ITGA11: variants seen among roughly 807,000 people sequenced by gnomAD.
The protein encoded by ITGA11 is integrin alpha-11.
ITGA11 carries 97 observed loss-of-function variants against 141.9 expected under a neutral mutation model. The observed-to-expected ratio is 0.68, with a 90% CI of 0.58 to 0.81. The LOEUF (loss-of-function observed/expected upper bound fraction) is 0.81. Among genes scored for constraint, ITGA11 ranks in the 30% least tolerant of loss-of-function variants. ITGA11 has a pLI of 0.00. For missense variants in ITGA11, 1,387 were observed against 1,559.2 expected (o/e 0.89, Z 1.86); for synonymous variants, 658 against 624.6 (o/e 1.05, Z -0.80).
At chr15:68,310,874 A>G in intron 26 of ITGA11, 120 bp downstream of exon 26, 1 of 729,274 alleles carries the variant, frequency 1.4e-6, no homozygotes. Flanking sequence ...CTGGGTACAT[A>G]CAGGTGCTCA....
intron 20 of ITGA11, among the ~76,000 whole-genome samples, chr15:68,319,727 G>A (rs548969477): frequency 1.3e-5 from 2 of 152,300 alleles, no homozygotes; most frequent in African/African-American, 4.8e-5. Flanking sequence ...CCCCTAACCA[G>A]GGCCCAGGAG....
intron 1 of ITGA11, among the ~76,000 whole-genome samples, chr15:68,426,082 G>T (rs1379102889): frequency 6.6e-6 from 1 of 152,196 alleles, no homozygotes; most frequent in Non-Finnish European, 1.5e-5. Flanking sequence ...TGGGGCAGGG[G>T]GCTAAGTGGT....
At chr15:68,314,012 C>T in intron 22 of ITGA11, 144 bp from the exon 23 acceptor site, 2 of 648,736 alleles carry the variant, frequency 3.1e-6, no homozygotes, top group East Asian at 5.5e-5. Flanking sequence ...GAACCTGAGG[C>T]ATCTCCTAGG....
Position 68,331,917 on chromosome 15 carries a change from G to A in ITGA11, c.1712C>T (p.Ala571Val), listed in dbSNP as rs772152489. 17 of 1,613,378 alleles carry A rather than the reference G, an allele frequency of 1.1e-5. No individual in the cohort carries two copies. Among genetic ancestry groups the A allele is most frequent in the Non-Finnish European group, 1.4e-5 (17 of 1,179,786 alleles). ...VVGAPLEDNH[A>V]GAIYIFHGFR... is the part of the protein sequence containing the mutation. ...GCCGTGGAAGATGTAGATGGCTCCT[G>A]CGTGGTTGTCCTCCAGGGGGGCTCC... The change falls in exon 14 of 30, where the codon GCA becomes GTA. Residue 571 changes from alanine (A) to valine (V), a missense_variant. By Grantham distance (64) the Ala-to-Val change is moderately conservative. Coordinates refer to ENST00000315757, the MANE Select transcript of ITGA11 (RefSeq NM_001004439.2).
chr15:68,364,657 A>ACCCCCCCCC, intron 4 of ITGA11, 50 bp downstream of exon 4: 1 of 671,318 alleles, frequency 1.5e-6, no homozygotes, highest in Non-Finnish European at 2.7e-6. Context: ...ACCCCTCCCC[A>ACCCCCCCCC]CCCCCACCCC....
At chr15:68,426,865 A>C (rs537758750) in intron 1 of ITGA11, among the ~76,000 whole-genome samples, 1 of 152,124 alleles carries the variant, frequency 6.6e-6, no homozygotes, top group South Asian at 2.1e-4. Context: ...AAATACAAAA[A>C]TTAGCTGGGT....
chr15:68,357,045 AT>A, intron 7 of ITGA11, 105 bp downstream of exon 7: 2 of 1,039,558 alleles, frequency 1.9e-6, no homozygotes, highest in Non-Finnish European at 1.4e-6. Flanking sequence ...TTAAGAAATT[AT>A]TGTCTCAAGG....
chr15:68,390,458 C>T (rs1389041925), intron 2 of ITGA11, among the ~76,000 whole-genome samples: 1 of 152,120 alleles, frequency 6.6e-6, no homozygotes, highest in African/African-American at 2.4e-5. Flanking sequence ...TGGAATCTGT[C>T]TTACATGCTC....
chr15:68,389,987 T>C (rs1896077124), intron 2 of ITGA11, among the ~76,000 whole-genome samples: 1 of 152,206 alleles, frequency 6.6e-6, no homozygotes, highest in Admixed American at 6.5e-5. Flanking sequence ...ATAATTTCAA[T>C]GTAAATGCGA....
At chr15:68,419,109 T>C (rs1283043085) in intron 1 of ITGA11, among the ~76,000 whole-genome samples, 1 of 152,138 alleles carries the variant, frequency 6.6e-6, no homozygotes, top group Non-Finnish European at 1.5e-5. Context: ...TGAAAAGGTC[T>C]CTGGCTGCAT....
intron 4 of ITGA11, among the ~76,000 whole-genome samples, chr15:68,362,558 TAGAC>T (rs562207166): frequency 1.3e-4 from 20 of 152,122 alleles, no homozygotes; most frequent in African/African-American, 4.6e-4. Flanking sequence ...AGTGGATGGA[TAGAC>T]AGATGATAGA....
intron 10 of ITGA11, among the ~76,000 whole-genome samples, chr15:68,346,361 C>T (rs1595870129): frequency 6.6e-6 from 1 of 152,186 alleles, no homozygotes; most frequent in South Asian, 2.1e-4. Context: ...TCAGCTCAAG[C>T]TTCCCTGAGT....
At chr15:68,415,034 C>A (rs757752660) in intron 1 of ITGA11, among the ~76,000 whole-genome samples, 18 of 152,110 alleles carry the variant, frequency 1.2e-4, no homozygotes, top group Non-Finnish European at 2.2e-4. Context: ...TGCAAAAGAC[C>A]CCCCTGTTTT....
chr15:68,418,547 C>A (rs1427206220), intron 1 of ITGA11, among the ~76,000 whole-genome samples: 2 of 151,856 alleles, frequency 1.3e-5, no homozygotes, highest in Admixed American at 6.6e-5. Flanking sequence ...TTATGTACAC[C>A]TTTATCACTT....
Position 68,325,137 on chromosome 15 carries a change from T to C in ITGA11, c.2316A>G (p.Arg772=). 1 of 1,613,064 alleles carries C rather than the reference T, an allele frequency of 6.2e-7. No homozygotes were observed. Among genetic ancestry groups the C allele is most frequent in the Non-Finnish European group, 8.5e-7 (1 of 1,179,194 alleles). Reference sequence around the variant, plus strand: ...GCCCTGTACCGAGATGTACCGAGACTCTGAGAGTGGTGGGCCAGCCGTCGT... The same window carrying C: ...GCCCTGTACCGAGATGTACCGAGACCCTGAGAGTGGTGGGCCAGCCGTCGT... ...MLDDGWPTTL[R]VSVPFWNGCN... The change falls in exon 18 of 30, where the codon AGA becomes AGG. Residue 772 remains arginine (R), a synonymous_variant. Transcript: ENST00000315757. This position sits in a 1 kb window ranked among gnomAD's most constrained non-coding sequence, Gnocchi z 5.5.
rs1331578692 is a variant in ITGA11, at chr15:68,432,033, CCCAGGCCACCA to C, written c.23_33del (p.Val8GlyfsTer43). The C allele has an allele frequency of 3.7e-6, 5 of 1,341,408 alleles. No individual in the cohort carries two copies. The highest frequency in any genetic ancestry group is 4.8e-6 in the Non-Finnish European group (5 of 1,044,150). The allele number at this position is 1,341,408 out of a possible 1,614,324, so 83.1% of individuals were successfully genotyped here. On this transcript the variant is annotated frameshift_variant, in exon 1 of 30. Coordinates refer to ENST00000315757, the MANE Select transcript of ITGA11 (RefSeq NM_001004439.2). LOFTEE classifies it high-confidence loss of function. ...CACCTACCTGGCCACAGGCTGAGCGCCCAGGCCACCACCAGGCCCCTGGGCAGGTCCATGGC... is the reference window on the plus strand; with the variant it reads ...CACCTACCTGGCCACAGGCTGAGCGCCCAGGCCCCTGGGCAGGTCCATGGC...
chr15:68,419,516 TGAGG>T (rs1435639062), intron 1 of ITGA11, among the ~76,000 whole-genome samples: 1 of 152,096 alleles, frequency 6.6e-6, no homozygotes, highest in East Asian at 1.9e-4. Flanking sequence ...AACCTGTGGA[TGAGG>T]AAGGGCCAAC....
At chr15:68,383,022 A>C (rs1895899991) in intron 2 of ITGA11, among the ~76,000 whole-genome samples, 1 of 152,198 alleles carries the variant, frequency 6.6e-6, no homozygotes. Context: ...CTGTAATCTC[A>C]GCACTTTTGG....
Position 68,357,131 on chromosome 15 carries a change from T to C in ITGA11, c.749+20A>G, listed in dbSNP as rs753380479. 3.1e-6 allele frequency: 5 copies of C among 1,603,916 alleles called. No homozygotes were observed. In the African/African-American group the frequency reaches 5.4e-5, roughly 17 times the overall value. ...CATCTGAGATCTAAAAAAATTTTTT[T>C]TGTTCTACTTTTTTTTTACCGTGCA... On this transcript the variant is annotated intron_variant, in intron 7 of 29. Transcript: ENST00000315757.
Sources: allele counts gnomAD v4.1 joint callset (sites outside exome capture counted in the v4.1 genomes callset), GRCh38; gene constraint gnomAD v4.1.1; non-coding constraint Gnocchi (gnomAD v3.1); transcripts MANE v1.5; gene names NCBI Gene and HGNC (gene_info 2026-07-23, HGNC 2026-07-21).